Variants in USP20 observed in about 807,000 individuals in gnomAD.
USP20 encodes ubiquitin specific peptidase 20, also known as ubiquitin carboxyl-terminal hydrolase 20.
USP20 carries 80 observed loss-of-function variants against 124.2 expected under a neutral mutation model. That is an observed-to-expected ratio of 0.64 (90% CI 0.54 to 0.78). The LOEUF (loss-of-function observed/expected upper bound fraction) is 0.78, where lower values mean the gene tolerates loss of function less well. Among genes scored for constraint, USP20 ranks in the 30% least tolerant of loss-of-function variants. The pLI, the probability that USP20 is intolerant of heterozygous loss-of-function variation, is 0.00. For synonymous variants in USP20, 481 were observed against 512.3 expected (o/e 0.94, Z 0.83); for missense variants, 1,043 against 1,244.4 (o/e 0.84, Z 2.44).
chr9:129,852,498 A>G, intron 2 of USP20, 42 bp from the exon 3 acceptor site: 1 of 1,539,710 alleles, frequency 6.5e-7, no homozygotes, highest in Non-Finnish European at 8.8e-7. Flanking sequence ...TCCTGCCAAC[A>G]CTGGCTGCCA....
chr9:129,874,809 C>T lies in USP20; in HGVS notation c.1922-20C>T, dbSNP rs374038579. ...CCCATCCGCTAGGATCCCTGTGACC[C>T]GTCTGCTCTGCCGCCGCAGGTGGGC... is the stretch of plus-strand genomic sequence containing the variant. On this transcript the variant is annotated intron_variant, in intron 18 of 25. Coordinates refer to ENST00000372429, the MANE Select transcript of USP20 (RefSeq NM_001110303.4). 5.6e-6 allele frequency: 9 copies of T among 1,614,026 alleles called. No individual in the cohort carries two copies. The African/African-American group carries it at 6.7e-5, about 12-fold the overall frequency.
At chr9:129,845,675 A>G (rs2032496624) in intron 1 of USP20, among the ~76,000 whole-genome samples, 1 of 152,150 alleles carries the variant, frequency 6.6e-6, no homozygotes, top group African/African-American at 2.4e-5. Context: ...TACAGGCGTG[A>G]GCCACTGTGA....
chr9:129,870,409 GC>G (rs1196793961), intron 14 of USP20, 43 bp from the exon 15 acceptor site: 3 of 1,597,870 alleles, frequency 1.9e-6, no homozygotes, highest in Non-Finnish European at 2.6e-6. Context: ...TCCTGTTCTT[GC>G]CCAGGCCCTG....
intron 11 of USP20, 86 bp downstream of exon 11, chr9:129,868,535 C>T: frequency 1.3e-6 from 2 of 1,484,640 alleles, no homozygotes; most frequent in African/African-American, 1.4e-5. Flanking sequence ...GCAGTAGCCC[C>T]CGGGGGACGG....
chr9:129,847,343 C>T (rs544793136), intron 1 of USP20, among the ~76,000 whole-genome samples: 142 of 149,912 alleles, frequency 9.5e-4, no homozygotes, highest in African/African-American at 3.3e-3. Flanking sequence ...TGCTCTGTCG[C>T]CCAGGCTGGA....
In USP20 at chr9:129,880,104, G is replaced by T. The variant is rs1263454215; in HGVS notation, c.2585-9G>T. Reference sequence around the variant, plus strand: ...AGGTGAGCCTAGGGGTGCCTCTCGTGCCCTGCAGGAGCTGACTACGGGCAG... The same window carrying T: ...AGGTGAGCCTAGGGGTGCCTCTCGTTCCCTGCAGGAGCTGACTACGGGCAG... On this transcript the variant is annotated splice_polypyrimidine_tract_variant and intron_variant, in intron 24 of 25. Transcript: ENST00000372429. 1 of 1,612,740 alleles carries T rather than the reference G, an allele frequency of 6.2e-7. No individual in the cohort carries two copies. The highest frequency in any genetic ancestry group is 1.1e-5 in the South Asian group (1 of 91,068).
rs1257754174 is a variant in USP20 at position 129,868,022 on chromosome 9, T to G, written c.708T>G (p.Leu236=). The change falls in exon 11 of 26, where the codon CTT becomes CTG. Residue 236 remains leucine, a synonymous_variant. Transcript: ENST00000372429. ...GGTTCTAGGACACCCAAGAGTTCCTTCGCTGCCTGATGGACCAGCTGCACG... is the reference window on the plus strand; with the variant it reads ...GGTTCTAGGACACCCAAGAGTTCCTGCGCTGCCTGATGGACCAGCTGCACG... ...GYAQQDTQEF[L]RCLMDQLHEE... is the part of the protein sequence containing the mutation. 1 of 1,613,664 alleles carries G rather than the reference T, an allele frequency of 6.2e-7. No homozygotes were observed.
chr9:129,869,477 C>G, intron 13 of USP20, 52 bp downstream of exon 13: 1 of 1,584,088 alleles, frequency 6.3e-7, no homozygotes, highest in Non-Finnish European at 8.7e-7. Flanking sequence ...GTGGCCTCAG[C>G]AGCTCTTGCC....
At position 129,878,426 on chromosome 9, in the gene USP20, AG is replaced by A; in HGVS notation, c.2502del (p.Lys835ArgfsTer25). 6.2e-7 allele frequency: 1 copy of A among 1,609,086 alleles called. No homozygotes were observed. Among genetic ancestry groups the A allele is most frequent in the South Asian group, 1.1e-5 (1 of 90,222 alleles). On this transcript the variant is annotated frameshift_variant, in exon 23 of 26. Transcript: ENST00000372429. LOFTEE classifies it high-confidence loss of function. ...TTCCGGGAGTGGGAGGCGTTCGTCA[AG>A]GGGAAGGACAACGGTGAGCTGAGGG... The part of the protein sequence containing the change: ...QWFREWEAFV[K>X]GKDNEPPGPI...
At chr9:129,874,424 C>T (rs920394270) in intron 17 of USP20, 152 bp from the exon 18 acceptor site, 11 of 978,918 alleles carry the variant, frequency 1.1e-5, no homozygotes, top group East Asian at 2.6e-5. Context: ...TGACTTAGAG[C>T]GAGCCCAGTC....
rs374645414 is a variant in USP20, at chr9:129,880,268, G to T, written c.2740G>T (p.Val914Leu). The change falls in exon 25 of 26, where the codon GTG becomes TTG. Residue 914 changes from valine (V) to leucine (L), a missense_variant. By Grantham distance (32) the Val-to-Leu change is conservative. Coordinates refer to ENST00000372429, the MANE Select transcript of USP20 (RefSeq NM_001110303.4). ...GAAGATCGAAGCCGAGACGCGGGCC[G>T]TGTGATCTGCTGGGCTAGTCTGTAA... The part of the protein sequence containing the change: ...EQKIEAETRA[V>L] 2.3e-5 allele frequency: 36 copies of T among 1,594,502 alleles called. No homozygotes were observed. In the African/African-American group the frequency reaches 3.5e-4, roughly 15 times the overall value.
chr9:129,873,074 C>CTT (rs2034200821), intron 15 of USP20, among the ~76,000 whole-genome samples: 6 of 57,590 alleles, frequency 1.0e-4, no homozygotes, highest in South Asian at 1.9e-3. Flanking sequence ...TTTTCTTTTT[C>CTT]TTCTTCTTTT....
At chr9:129,878,555 G>C (rs2034506217) in intron 23 of USP20, 115 bp downstream of exon 23, 2 of 894,262 alleles carry the variant, frequency 2.2e-6, no homozygotes, top group Non-Finnish European at 3.4e-6. Context: ...CCTGCCCCCA[G>C]GTGCCACCCA....
Position 129,868,264 on chromosome 9 carries a change from C to G in USP20, c.950C>G (p.Ala317Gly), listed in dbSNP as rs551465675. The change falls in exon 11 of 26, where the codon GCG (alanine) becomes GGG (glycine). Residue 317 changes from alanine (A) to glycine (G), a missense_variant. By Grantham distance (60) the Ala-to-Gly change is moderately conservative. Coordinates refer to ENST00000372429, the MANE Select transcript of USP20 (RefSeq NM_001110303.4). Reference sequence around the variant, plus strand: ...ACGGAGCTGCTGATCCCAGATGAGGCGGGCCGAGCCATCTCTGAGAAGGAG... The same window carrying G: ...ACGGAGCTGCTGATCCCAGATGAGGGGGGCCGAGCCATCTCTGAGAAGGAG... ...AETELLIPDE[A>G]GRAISEKERM... is the part of the protein sequence containing the mutation. 4.3e-6 allele frequency: 7 copies of G among 1,613,814 alleles called. No homozygotes were observed. Among genetic ancestry groups the G allele is most frequent in the African/African-American group, 1.3e-5 (1 of 74,902 alleles).
chr9:129,858,692 G>A, intron 6 of USP20, 94 bp downstream of exon 6: 1 of 1,517,256 alleles, frequency 6.6e-7, no homozygotes, highest in Non-Finnish European at 8.9e-7. Flanking sequence ...TGGGGCAGTA[G>A]GTCCCAGAGG....
In USP20 at chr9:129,847,090, T is replaced by C. The variant is rs2032620936; in HGVS notation, c.-128-2723T>C. Among the ~76,000 whole-genome samples the C allele has an allele frequency of 4.6e-5, 7 of 152,336 alleles. No individual in the cohort carries two copies. The South Asian group carries it at 1.4e-3, about 32-fold the overall frequency. On this transcript the variant is annotated intron_variant, in intron 1 of 25. Transcript: ENST00000372429. ...TTTTGGCTGTTGCACATAATGCAGC[T>C]ATGAACATAGGTGCACAAATATTTC...
chr9:129,858,014 C>G (rs745444422), intron 4 of USP20, 36 bp from the exon 5 acceptor site: 1 of 1,594,784 alleles, frequency 6.3e-7, no homozygotes, highest in African/African-American at 1.3e-5. Flanking sequence ...ATCCTTTTGG[C>G]AAGCTCCAGT....
chr9:129,875,667 C>T (rs1331080832), intron 21 of USP20, 26 bp downstream of exon 21: 1 of 1,609,790 alleles, frequency 6.2e-7, no homozygotes, highest in Middle Eastern at 1.7e-4. Flanking sequence ...GCCAACTTGT[C>T]TCCGTCCTGT....
intron 15 of USP20, among the ~76,000 whole-genome samples, chr9:129,872,402 C>T (rs2034170066): frequency 6.6e-6 from 1 of 152,164 alleles, no homozygotes. Context: ...GATTTGCTGC[C>T]TTGGCCTCCC....
Sources: gnomAD v4.1 joint callset for allele counts (sites outside exome capture counted in the v4.1 genomes callset) on GRCh38, gnomAD v4.1.1 for gene constraint, MANE v1.5 for transcripts, NCBI Gene and HGNC (gene_info 2026-07-23, HGNC 2026-07-21) for gene names.